The following CMIP variants were observed in gnomAD, a reference collection of about 807,000 sequenced individuals.
CMIP encodes C-Maf-inducing protein.
In CMIP, 13 loss-of-function variants were observed where a neutral mutation model predicts 97.3. The observed-to-expected ratio is 0.13, with a 90% confidence interval of 0.09 to 0.21. The LOEUF (loss-of-function observed/expected upper bound fraction) is 0.21, where lower values mean the gene tolerates loss of function less well. Ranked by LOEUF, CMIP falls within the 10% of genes least tolerant of loss-of-function variation. The probability of loss-of-function intolerance (pLI) is 1.00; values close to 1 mark genes in which losing one functional copy is unlikely to be tolerated. For missense variants in CMIP, 847 were observed against 1,024.9 expected (o/e 0.83, Z 2.37); for synonymous variants, 538 against 436.3 (o/e 1.23, Z -2.91).
chr16:81,457,605 CG>C (rs1015179608), intron 1 of CMIP, among the ~76,000 whole-genome samples: 3 of 152,212 alleles, frequency 2.0e-5, no homozygotes, highest in African/African-American at 4.8e-5. Flanking sequence ...CACATGTCCC[CG>C]GGGGGCCACA....
chr16:81,559,000 C>T (rs1266648556), intron 1 of CMIP, among the ~76,000 whole-genome samples: 2 of 152,222 alleles, frequency 1.3e-5, no homozygotes, highest in Non-Finnish European at 2.9e-5. Flanking sequence ...CTTGTGGGAT[C>T]CGCATTACCC....
chr16:81,598,990 A>AAAAAAAAAAAAAAAAAAAG (rs2091611967), intron 1 of CMIP, among the ~76,000 whole-genome samples: 1 of 150,668 alleles, frequency 6.6e-6, no homozygotes, highest in Admixed American at 6.6e-5. Context: ...AAAAAAAAAA[A>AAAAAAAAAAAAAAAAAAAG]GAGTAGTAAC....
chr16:81,600,625 C>A (rs2091642450), intron 1 of CMIP, among the ~76,000 whole-genome samples: 1 of 152,068 alleles, frequency 6.6e-6, no homozygotes, highest in African/African-American at 2.4e-5. Flanking sequence ...TATGGGGCTT[C>A]CTTTGGGAGT....
chr16:81,604,337 A>C (rs1382551468), intron 1 of CMIP, among the ~76,000 whole-genome samples: 2 of 146,128 alleles, frequency 1.4e-5, no homozygotes, highest in African/African-American at 5.1e-5. Flanking sequence ...CGGAAGTTGC[A>C]GTGAGCTGAG....
chr16:81,577,199 A>G, intron 1 of CMIP, among the ~76,000 whole-genome samples: 1 of 128,916 alleles, frequency 7.8e-6, no homozygotes, highest in Non-Finnish European at 1.7e-5. Flanking sequence ...CATCATCACC[A>G]TCATAACCAT....
At chr16:81,479,041 G>C (rs942692692) in intron 1 of CMIP, among the ~76,000 whole-genome samples, 1 of 152,204 alleles carries the variant, frequency 6.6e-6, no homozygotes, top group East Asian at 1.9e-4. Flanking sequence ...TCAGGCACTC[G>C]AGTGGGAAGT....
chr16:81,474,174 C>T (rs1398714040), intron 1 of CMIP, among the ~76,000 whole-genome samples: 2 of 152,144 alleles, frequency 1.3e-5, no homozygotes, highest in African/African-American at 4.8e-5. Context: ...CTCAGGTTCC[C>T]CCCTGCTCAG....
In CMIP at chr16:81,468,926, C is replaced by T. The variant is rs1907365551; in HGVS notation, c.300+23385C>T. ...AATTGTGGAGGGCGGACGCAGTGAG[C>T]TGCCTGCATGCTGGCCTTGGGACTT... On this transcript the variant is annotated intron_variant, in intron 1 of 20. Transcript: ENST00000537098. Among the ~76,000 whole-genome samples, 3 of 152,224 alleles carry T rather than the reference C, an allele frequency of 2.0e-5. No individual in the cohort carries two copies. The South Asian group carries it at 6.2e-4, about 31-fold the overall frequency.
chr16:81,690,149 G>A (rs960113042), intron 10 of CMIP, among the ~76,000 whole-genome samples: 2 of 152,082 alleles, frequency 1.3e-5, no homozygotes, highest in Admixed American at 6.6e-5. Context: ...CTCTTTTTTG[G>A]TTCCATATGA....
intron 1 of CMIP, among the ~76,000 whole-genome samples, chr16:81,471,459 T>C (rs929073207): frequency 1.3e-5 from 2 of 152,060 alleles, no homozygotes; most frequent in African/African-American, 2.4e-5. Flanking sequence ...TATGTACACA[T>C]ACACATGTAT....
At chr16:81,502,590 A>T (rs1037166288) in intron 1 of CMIP, among the ~76,000 whole-genome samples, 10 of 152,130 alleles carry the variant, frequency 6.6e-5, no homozygotes, top group African/African-American at 1.7e-4. Flanking sequence ...CTGGGCGAGG[A>T]TGGGGAGGAC....
Position 81,505,977 on chromosome 16 carries a change from A to G in CMIP, c.300+60436A>G, listed in dbSNP as rs372616126. On this transcript the variant is annotated intron_variant, in intron 1 of 20. Coordinates refer to ENST00000537098, the MANE Select transcript of CMIP (RefSeq NM_198390.3). The stretch of plus-strand genomic sequence containing the variant: ...GCCATTGCACTCCAGCCTGGGCGAC[A>G]AGAGCAAAACTCCATCTCAAAATAA... 3.7e-4 allele frequency among the ~76,000 whole-genome samples: 57 copies of G among 152,332 alleles called. No individual in the cohort carries two copies. In the South Asian group the frequency reaches 0.012, roughly 32 times the overall value.
Position 81,458,908 on chromosome 16 carries a change from C to T in CMIP, c.300+13367C>T, listed in dbSNP as rs149736617. 1.4e-3 allele frequency among the ~76,000 whole-genome samples: 211 copies of T among 152,264 alleles called. 1 individual carries two copies. The highest frequency in any genetic ancestry group is 5.0e-3 in the African/African-American group (206 of 41,544). The stretch of plus-strand genomic sequence containing the variant: ...GAAAGTACTTAGTAGAGTGTGGACA[C>T]GTGGCATGTGCTCAACAGATGTTTG... On this transcript the variant is annotated intron_variant, in intron 1 of 20. Transcript: ENST00000537098.
chr16:81,606,997 C>G (rs540257484), intron 1 of CMIP: 2 of 154,872 alleles, frequency 1.3e-5, no homozygotes, highest in South Asian at 4.0e-4. Context: ...AGAGGCGGGA[C>G]TGGGCGCATA....
intron 1 of CMIP, among the ~76,000 whole-genome samples, chr16:81,546,822 T>C (rs898014629): frequency 2.6e-5 from 4 of 152,224 alleles, no homozygotes; most frequent in East Asian, 3.9e-4. Flanking sequence ...GCTATTTACA[T>C]TGAATTAAAA....
In CMIP at chr16:81,495,862, A is replaced by C. The variant is rs976542792; in HGVS notation, c.300+50321A>C. Among the ~76,000 whole-genome samples the C allele has an allele frequency of 4.0e-5, 6 of 151,890 alleles. No homozygotes were observed. The South Asian group carries it at 1.2e-3, about 32-fold the overall frequency. ...ATTTTCTTTCCACCTCATTCCCCCAACTAGACAGGAAGCTGTCAGTCCTCA... is the reference window on the plus strand; with the variant it reads ...ATTTTCTTTCCACCTCATTCCCCCACCTAGACAGGAAGCTGTCAGTCCTCA... On this transcript the variant is annotated intron_variant, in intron 1 of 20. Coordinates refer to ENST00000537098, the MANE Select transcript of CMIP (RefSeq NM_198390.3).
At chr16:81,546,517 A>C (rs2090549040) in intron 1 of CMIP, among the ~76,000 whole-genome samples, 1 of 152,206 alleles carries the variant, frequency 6.6e-6, no homozygotes. Flanking sequence ...TCATTCACCC[A>C]TTAATTCATC....
chr16:81,520,110 A>C (rs2089990413), intron 1 of CMIP: 1 of 152,244 alleles, frequency 6.6e-6, no homozygotes, highest in Non-Finnish European at 1.5e-5. Flanking sequence ...TGTGCTTAGC[A>C]GGTGGGGCCT....
Position 81,444,813 on chromosome 16 carries a change from C to G in CMIP, c.-429C>G, listed in dbSNP as rs1905717053. Among the ~76,000 whole-genome samples, 1 of 145,398 alleles carries G rather than the reference C, an allele frequency of 6.9e-6. No homozygotes were observed. Among genetic ancestry groups the G allele is most frequent in the Admixed American group, 6.8e-5 (1 of 14,710 alleles). ...GGCCCGCCCCGCCCGCGGCCACTCTCGCCCGGACGGCCGCGCGGACACACG... is the reference window on the plus strand; with the variant it reads ...GGCCCGCCCCGCCCGCGGCCACTCTGGCCCGGACGGCCGCGCGGACACACG... On this transcript the variant is annotated 5_prime_UTR_variant, in exon 1 of 21. Transcript: ENST00000537098.
Sources: allele counts gnomAD v4.1 joint callset (sites outside exome capture counted in the v4.1 genomes callset), GRCh38; gene constraint gnomAD v4.1.1; transcripts MANE v1.5; gene names NCBI Gene and HGNC (gene_info 2026-07-23, HGNC 2026-07-21).